The following POLG variants were observed in gnomAD, a reference collection of about 807,000 sequenced individuals.
POLG encodes DNA polymerase gamma, catalytic subunit, also known as DNA polymerase subunit gamma-1.
POLG carries 110 observed loss-of-function variants against 155.4 expected under a neutral mutation model. That is an observed-to-expected ratio of 0.71 (90% confidence interval 0.61 to 0.83). The LOEUF is 0.83. Among genes scored for constraint, POLG ranks in the 40% least tolerant of loss-of-function variants. The probability of loss-of-function intolerance (pLI) is 0.00; values close to 1 mark genes in which losing one functional copy is unlikely to be tolerated. For missense variants in POLG, 1,685 were observed against 1,627.5 expected, an observed-to-expected ratio of 1.04 and a Z score of -0.61; for synonymous variants, 701 against 631.5, an observed-to-expected ratio of 1.11 and a Z score of -1.65.
rs1469484812 is a variant in POLG, at chr15:89,319,331, C to T, written c.3001G>A (p.Gly1001Ser). Residue 1001 changes from glycine to serine, a missense_variant, in exon 19 of 23, where the codon GGC becomes AGC. Transcript: ENST00000268124. Reference protein sequence around the residue: ...GLRWYRLSDEGEWLVRELNLP... With the variant: ...GLRWYRLSDESEWLVRELNLP... ...TTCAACTCCCTCACCAGCCACTCGC[C>T]CTCATCCGACAGCCGATACCTGGGG... The T allele has an allele frequency of 1.9e-6, 3 of 1,613,990 alleles. No homozygotes were observed. Among genetic ancestry groups the T allele is most frequent in the East Asian group, 2.2e-5 (1 of 44,892 alleles).
intron 2 of POLG, among the ~76,000 whole-genome samples, chr15:89,331,355 G>A (rs937407705): frequency 6.6e-5 from 10 of 150,736 alleles, no homozygotes; most frequent in African/African-American, 2.4e-5. Context: ...CAGACAAAAA[G>A]GCTAAAGAAT....
At chr15:89,321,285 A>C (rs769122451) in intron 16 of POLG, 25 bp from the exon 17 acceptor site, 1 of 1,612,934 alleles carries the variant, frequency 6.2e-7, no homozygotes, top group East Asian at 2.2e-5. Context: ...AGATACCCAA[A>C]TGAGACTCTT....
At chr15:89,322,073 C>T in intron 14 of POLG, 58 bp from the exon 15 acceptor site, 2 of 1,510,150 alleles carry the variant, frequency 1.3e-6, no homozygotes, top group Non-Finnish European at 1.8e-6. Context: ...ATCTATCCCA[C>T]ATCCCACCAT....
intron 13 of POLG, among the ~76,000 whole-genome samples, 184 bp from the exon 14 acceptor site, chr15:89,323,086 CCCT>C (rs2055421555): frequency 1.3e-5 from 2 of 152,242 alleles, no homozygotes; most frequent in Middle Eastern, 3.2e-3. Flanking sequence ...CACACATGCC[CCCT>C]AAGACACACA....
rs1426084203 is a variant in POLG, at chr15:89,333,828, C to G, written c.-74G>C. On this transcript the variant is annotated 5_prime_UTR_variant, in exon 2 of 23. Coordinates refer to ENST00000268124, the MANE Select transcript of POLG (RefSeq NM_002693.3). ...GCTCCAGCTTGGCTTCTTTTACTGG[C>G]TGGAAGACGTGGAGAGAGACACGTC... 6.6e-7 allele frequency: 1 copy of G among 1,511,330 alleles called. No individual in the cohort carries two copies. Among genetic ancestry groups the G allele is most frequent in the African/African-American group, 1.4e-5 (1 of 72,568 alleles). 93.6% of individuals were successfully genotyped at this position (1,511,330 alleles called of 1,614,324 possible).
chr15:89,328,303 G>A (rs2055549219), intron 6 of POLG, among the ~76,000 whole-genome samples, 153 bp downstream of exon 6: 1 of 152,166 alleles, frequency 6.6e-6, no homozygotes, highest in Non-Finnish European at 1.5e-5. Flanking sequence ...CCAGGGCCCA[G>A]ATGGACACCA....
chr15:89,323,972 G>A (rs1172163931), intron 11 of POLG, 71 bp from the exon 12 acceptor site: 3 of 1,536,670 alleles, frequency 2.0e-6, no homozygotes, highest in Non-Finnish European at 9.0e-7. Context: ...GCCCCTCCCT[G>A]CATGGTACTC....
In POLG at chr15:89,330,037, G is replaced by A. The variant is rs774676951; in HGVS notation, c.855+44C>T. On this transcript the variant is annotated intron_variant, in intron 3 of 22. Transcript: ENST00000268124. ...CTAACCACTGAGATTAGGGCTCCTGGCCCATCCCATGCCAGAACCTGCAGT... is the reference window on the plus strand; with the variant it reads ...CTAACCACTGAGATTAGGGCTCCTGACCCATCCCATGCCAGAACCTGCAGT... The A allele has an allele frequency of 5.9e-6, 9 of 1,513,454 alleles. No individual in the cohort carries two copies. In the South Asian group the frequency reaches 1.0e-4, roughly 17 times the overall value. 93.8% of individuals were successfully genotyped at this position (1,513,454 alleles called of 1,614,324 possible). A position where few individuals can be genotyped will look rare whatever the true frequency, so the allele number is the denominator to read the frequency against.
chr15:89,323,622 ATG>A (rs2055429980), intron 12 of POLG, 111 bp from the exon 13 acceptor site: 1 of 828,276 alleles, frequency 1.2e-6, no homozygotes, highest in South Asian at 1.4e-5. Context: ...CAGCTGGGAA[ATG>A]ACAAGATGGC....
rs754079243 is a variant in POLG at position 89,333,165 on chromosome 15, A to G, written c.590T>C (p.Phe197Ser). Residue 197 changes from phenylalanine (F) to serine (S), a missense_variant, in exon 2 of 23, where the codon TTC becomes TCC. This residue lies in a region of POLG where 1,210 missense variants were observed against 1,167.1 expected (regional missense o/e 1.04). Coordinates refer to ENST00000268124, the MANE Select transcript of POLG (RefSeq NM_002693.3). ...VAIPEERALV[F>S]DVEVCLAEGT... ...CTCTGCCAAGCAGACCTCCACGTCGAACACCAGGGCCCGCTCCTCGGGGAT... is the reference window on the plus strand; with the variant it reads ...CTCTGCCAAGCAGACCTCCACGTCGGACACCAGGGCCCGCTCCTCGGGGAT... The G allele has an allele frequency of 9.7e-6, 15 of 1,552,796 alleles. No homozygotes were observed. Among genetic ancestry groups the G allele is most frequent in the Non-Finnish European group, 1.3e-5 (15 of 1,148,378 alleles).
In POLG at chr15:89,326,639, C is replaced by A; in HGVS notation, c.1685G>T (p.Arg562Leu). Residue 562 changes from arginine to leucine, a missense_variant, in exon 9 of 23, where the codon CGG becomes CTG. This residue lies in a region of POLG where 1,210 missense variants were observed against 1,167.1 expected (regional missense o/e 1.04). Coordinates refer to ENST00000268124, the MANE Select transcript of POLG (RefSeq NM_002693.3). ...LKGTTELLPKRPQHLPGHPGW... is the reference protein window; with the variant it reads ...LKGTTELLPKLPQHLPGHPGW... ...AGGGTGTCCAGGAAGGTGCTGGGGC[C>A]GCTTGGGCAGGAGCTCTGTGGTCCC... 3 of 1,613,976 alleles carry A rather than the reference C, an allele frequency of 1.9e-6. No homozygotes were observed. The highest frequency in any genetic ancestry group is 2.5e-6 in the Non-Finnish European group (3 of 1,180,008).
At chr15:89,317,700 T>TTTG (rs2055319882) in intron 21 of POLG, 164 bp from the exon 22 acceptor site, 1 of 704,204 alleles carries the variant, frequency 1.4e-6, no homozygotes, top group African/African-American at 1.8e-5. Context: ...AGCACTGTTT[T>TTTG]CCATCCAGCA....
Position 89,325,149 on chromosome 15 carries a change from AGT to A in POLG, c.1949+299_1949+300del, listed in dbSNP as rs1232796354. On this transcript the variant is annotated intron_variant, in intron 10 of 22. Coordinates refer to ENST00000268124, the MANE Select transcript of POLG (RefSeq NM_002693.3). ...GAGTGAGAGAGTGAGTGAGAGAGTG[AGT>A]GAGTGAGTGAGTGAGTGAGAGAGTG... is the stretch of plus-strand genomic sequence containing the variant. Among the ~76,000 whole-genome samples the A allele has an allele frequency of 3.5e-5, 3 of 86,702 alleles. 1 individual carries two copies. The highest frequency in any genetic ancestry group is 2.2e-4 in the Admixed American group (2 of 8,942). 56.9% of individuals were successfully genotyped at this position (86,702 alleles called of 152,430 possible).
At chr15:89,323,329 T>A in intron 13 of POLG, 75 bp downstream of exon 13, 1 of 904,988 alleles carries the variant, frequency 1.1e-6, no homozygotes, top group East Asian at 2.5e-5. Flanking sequence ...CTCAGGTGTG[T>A]CACTCTGAAG....
Position 89,324,116 on chromosome 15 carries a change from T to C in POLG, c.2061A>G (p.Ile687Met). ...CAGAGCCTGCCCTCACCGTTTGCCATATGGCACTATTGTCAGTGAGCAGGA... is the reference window on the plus strand; with the variant it reads ...CAGAGCCTGCCCTCACCGTTTGCCACATGGCACTATTGTCAGTGAGCAGGA... The part of the protein sequence containing the change: ...EEFLLTDNSA[I>M]WQTVEELDYL... The change falls in exon 11 of 23, where the codon ATA (isoleucine) becomes ATG (methionine). Residue 687 changes from isoleucine (I) to methionine (M), a missense_variant. By Grantham distance (10) the Ile-to-Met change is conservative. Coordinates refer to ENST00000268124, the MANE Select transcript of POLG (RefSeq NM_002693.3). 4 of 1,614,044 alleles carry C rather than the reference T, an allele frequency of 2.5e-6. No homozygotes were observed. The highest frequency in any genetic ancestry group is 2.2e-5 in the South Asian group (2 of 91,082).
At chr15:89,323,114 T>C (rs1237486681) in intron 13 of POLG, among the ~76,000 whole-genome samples, 2 of 152,224 alleles carry the variant, frequency 1.3e-5, no homozygotes, top group Admixed American at 6.5e-5. Flanking sequence ...CAAGCAAACC[T>C]GGCTCCCTGC....
chr15:89,320,721 G>A lies in POLG; in HGVS notation c.2981+45C>T, dbSNP rs751048686. On this transcript the variant is annotated intron_variant, in intron 18 of 22. Transcript: ENST00000268124. The stretch of plus-strand genomic sequence containing the variant: ...GTAGTACTAAAGGACAGTAAAGCAG[G>A]CCTCGGGTCCTGGGTGTTAAAGTGG... The A allele has an allele frequency of 2.5e-6, 4 of 1,607,820 alleles. No individual in the cohort carries two copies. The East Asian group carries it at 6.7e-5, about 27-fold the overall frequency.
At chr15:89,324,480 G>A (rs2055443732) in intron 10 of POLG, among the ~76,000 whole-genome samples, 2 of 152,234 alleles carry the variant, frequency 1.3e-5, no homozygotes, top group African/African-American at 4.8e-5. Context: ...CTACAGAGCT[G>A]CCGTCTCAAG....
At chr15:89,323,949 C>T in intron 11 of POLG, 48 bp from the exon 12 acceptor site, 1 of 1,535,898 alleles carries the variant, frequency 6.5e-7, no homozygotes, top group Non-Finnish European at 9.0e-7. Flanking sequence ...ACTGGGTAGG[C>T]CCCAATCCAC....
Sources: gnomAD v4.1 joint callset for allele counts (sites outside exome capture counted in the v4.1 genomes callset) on GRCh38, gnomAD v4.1.1 for gene constraint, gnomAD v4.1.1 regional missense constraint, MANE v1.5 for transcripts, NCBI Gene and HGNC (gene_info 2026-07-23, HGNC 2026-07-21) for gene names.